Variants in PRKN observed in about 807,000 individuals in gnomAD.
PRKN encodes the protein E3 ubiquitin-protein ligase parkin.
Under a neutral mutation model 59.5 loss-of-function variants are expected in PRKN, and 56 were observed. That is an observed-to-expected ratio of 0.94 (90% CI 0.76 to 1.18). PRKN has a LOEUF of 1.18. Ranked by LOEUF, PRKN falls within the 50% of genes most tolerant of loss-of-function variation. PRKN has a pLI of 0.00. For synonymous variants in PRKN, 250 were observed against 222.1 expected (o/e 1.13, Z -1.12); for missense variants, 657 against 596.4 (o/e 1.10, Z -1.06).
At chr6:162,540,668 A>G (rs1251155191) in intron 1 of PRKN, among the ~76,000 whole-genome samples, 1 of 151,718 alleles carries the variant, frequency 6.6e-6, no homozygotes, top group Non-Finnish European at 1.5e-5. Flanking sequence ...TTAGCTGGGC[A>G]TGGTGGTGGG....
At chr6:161,901,989 C>T (rs771767412) in intron 6 of PRKN, among the ~76,000 whole-genome samples, 5 of 152,114 alleles carry the variant, frequency 3.3e-5, no homozygotes, top group Admixed American at 6.5e-5. Flanking sequence ...TGAATCAGAG[C>T]GTGTGATGCT....
At chr6:161,948,178 G>T (rs1045329041) in intron 6 of PRKN, among the ~76,000 whole-genome samples, 2 of 152,010 alleles carry the variant, frequency 1.3e-5, no homozygotes, top group African/African-American at 4.8e-5. Context: ...GTAGAGAGGG[G>T]ATTTCACCAT....
intron 1 of PRKN, among the ~76,000 whole-genome samples, chr6:162,626,287 T>A (rs947739491): frequency 2.6e-5 from 4 of 152,180 alleles, no homozygotes; most frequent in Non-Finnish European, 5.9e-5. Context: ...GTGTAATGTT[T>A]CCATTTGAAA....
chr6:161,498,028 GGGTCTAATTT>G lies in PRKN; in HGVS notation c.1083+50816_1083+50825del, dbSNP rs1344125464. 6.6e-6 allele frequency among the ~76,000 whole-genome samples: 1 copy of G among 152,134 alleles called. No individual in the cohort carries two copies. Among genetic ancestry groups the G allele is most frequent in the Non-Finnish European group, 1.5e-5 (1 of 68,030 alleles). ...AGGGGATATTTGTTCTTCAATAGAT[GGGTCTAATTT>G]TCCACAGTGGGAGGACTCACAAGCA... is the stretch of plus-strand genomic sequence containing the variant. On this transcript the variant is annotated intron_variant, in intron 9 of 11. Coordinates refer to ENST00000366898, the MANE Select transcript of PRKN (RefSeq NM_004562.3). The surrounding 1 kb of genome is among the most constrained non-coding windows in gnomAD (Gnocchi z 4.2).
In PRKN at chr6:162,276,836, T is replaced by C. The variant is rs1780657797; in HGVS notation, c.172-14071A>G. On this transcript the variant is annotated intron_variant, in intron 2 of 11. Coordinates refer to ENST00000366898, the MANE Select transcript of PRKN (RefSeq NM_004562.3). ...TATATACACATTTCCTTATTATTTT[T>C]CACAACCATACAGTAACCTCACGTG... 2.6e-5 allele frequency among the ~76,000 whole-genome samples: 4 copies of C among 152,246 alleles called. No individual in the cohort carries two copies. The South Asian group carries it at 8.3e-4, about 32-fold the overall frequency.
At chr6:162,547,574 GTTA>G (rs1386061240) in intron 1 of PRKN, among the ~76,000 whole-genome samples, 4 of 151,254 alleles carry the variant, frequency 2.6e-5, no homozygotes, top group Non-Finnish European at 5.9e-5. Context: ...GTCACAGTTA[GTTA>G]TTATTATTAT....
At chr6:161,536,577 T>A (rs1779423112) in intron 9 of PRKN, among the ~76,000 whole-genome samples, 1 of 152,162 alleles carries the variant, frequency 6.6e-6, no homozygotes, top group Admixed American at 6.5e-5. Flanking sequence ...AGCCAGGTGC[T>A]GGGGGTCATG....
chr6:162,264,943 T>C (rs1780063003), intron 2 of PRKN, among the ~76,000 whole-genome samples: 1 of 150,630 alleles, frequency 6.6e-6, no homozygotes, highest in Non-Finnish European at 1.5e-5. Context: ...CATCTTCAAC[T>C]CTTTTACATC....
chr6:161,724,009 AGT>A (rs1407087146), intron 7 of PRKN, among the ~76,000 whole-genome samples: 6 of 152,116 alleles, frequency 3.9e-5, no homozygotes, highest in African/African-American at 1.4e-4. Flanking sequence ...TTCCATTGTG[AGT>A]GTGTTTTAGA....
chr6:161,792,286 G>A (rs1433848709), intron 6 of PRKN, among the ~76,000 whole-genome samples: 1 of 152,226 alleles, frequency 6.6e-6, no homozygotes, highest in Admixed American at 6.5e-5. Context: ...AGGTTCAGAG[G>A]AGGAGGAGGT....
Position 161,385,625 on chromosome 6 carries a change from T to C in PRKN, c.1167+1169A>G, listed in dbSNP as rs17641094. ...TCACTTTGTGGAAGCCTCTGCCATG[T>C]TTGCAGTCTCAGAGCATATGGATGT... is the stretch of plus-strand genomic sequence containing the variant. On this transcript the variant is annotated intron_variant, in intron 10 of 11. Transcript: ENST00000366898. This position sits in a 1 kb window ranked among gnomAD's most constrained non-coding sequence, Gnocchi z 4.9. 0.087 allele frequency among the ~76,000 whole-genome samples: 13,178 copies of C among 152,218 alleles called. 674 individuals carry two copies. The highest frequency in any genetic ancestry group is 0.12 in the Admixed American group (1,803 of 15,296).
rs1239569478 is a variant in PRKN at position 161,593,592 on chromosome 6, C to G, written c.872-24176G>C. On this transcript the variant is annotated intron_variant, in intron 7 of 11. Coordinates refer to ENST00000366898, the MANE Select transcript of PRKN (RefSeq NM_004562.3). This position sits in a 1 kb window ranked among gnomAD's most constrained non-coding sequence, Gnocchi z 4.8. ...CAGCAGGTCTTGCTGGTGGGCTGCC[C>G]TGTGGAGCAGACAAAGGAAAAGGAG... 6.6e-6 allele frequency among the ~76,000 whole-genome samples: 1 copy of G among 152,112 alleles called. No homozygotes were observed. The highest frequency in any genetic ancestry group is 1.5e-5 in the Non-Finnish European group (1 of 68,012).
Position 161,440,246 on chromosome 6 carries a change from C to T in PRKN, c.1084-53369G>A, listed in dbSNP as rs934222987. 2.6e-5 allele frequency among the ~76,000 whole-genome samples: 4 copies of T among 152,154 alleles called. No homozygotes were observed. The highest frequency in any genetic ancestry group is 9.7e-5 in the African/African-American group (4 of 41,442). On this transcript the variant is annotated intron_variant, in intron 9 of 11. Coordinates refer to ENST00000366898, the MANE Select transcript of PRKN (RefSeq NM_004562.3). The surrounding 1 kb of genome is among the most constrained non-coding windows in gnomAD (Gnocchi z 4.1). ...GGGATTACAGGTGTGAGACACTGCGCCTGGCCTGGCCCTAAGTTTTTACCC... is the reference window on the plus strand; with the variant it reads ...GGGATTACAGGTGTGAGACACTGCGTCTGGCCTGGCCCTAAGTTTTTACCC...
intron 2 of PRKN, among the ~76,000 whole-genome samples, chr6:162,339,394 G>A (rs1157580872): frequency 8.2e-5 from 12 of 145,636 alleles, no homozygotes; most frequent in Admixed American, 1.3e-4. Context: ...AGGTGGGGGG[G>A]TCAGCCCCCC....
chr6:161,543,622 G>A (rs1052044994), intron 9 of PRKN, among the ~76,000 whole-genome samples: 3 of 152,016 alleles, frequency 2.0e-5, no homozygotes, highest in African/African-American at 4.8e-5. Context: ...TTTGAAATTC[G>A]ATTTTCATTT....
intron 2 of PRKN, among the ~76,000 whole-genome samples, chr6:162,425,239 A>G (rs1789174860): frequency 6.6e-6 from 1 of 152,214 alleles, no homozygotes; most frequent in Non-Finnish European, 1.5e-5. Context: ...ATAAAAAAGT[A>G]GTTACACACT....
chr6:161,750,572 G>A (rs765516319), intron 7 of PRKN, among the ~76,000 whole-genome samples: 3 of 151,718 alleles, frequency 2.0e-5, no homozygotes, highest in African/African-American at 2.4e-5. Context: ...GGTTGAGACC[G>A]GCCTGACCAA....
chr6:162,472,804 T>TTATATA (rs1290741228), intron 1 of PRKN, among the ~76,000 whole-genome samples: 49 of 93,974 alleles, frequency 5.2e-4, no homozygotes, highest in Non-Finnish European at 9.6e-4. Context: ...AACTTTTATT[T>TTATATA]TATATATATA....
chr6:161,946,302 T>C (rs899480521), intron 6 of PRKN, among the ~76,000 whole-genome samples: 1 of 151,832 alleles, frequency 6.6e-6, no homozygotes, highest in Non-Finnish European at 1.5e-5. Flanking sequence ...GAAGAGCTCT[T>C]AGGCAAAGTG....
Sources: allele counts gnomAD v4.1 joint callset (sites outside exome capture counted in the v4.1 genomes callset), GRCh38; gene constraint gnomAD v4.1.1; non-coding constraint Gnocchi (gnomAD v3.1); transcripts MANE v1.5; gene names NCBI Gene and HGNC (gene_info 2026-07-23, HGNC 2026-07-21).